PPP2R3A: variants seen among roughly 807,000 people sequenced by gnomAD.
PPP2R3A encodes serine/threonine-protein phosphatase 2A regulatory subunit B'' subunit alpha.
In PPP2R3A, 80 loss-of-function variants were observed where a neutral mutation model predicts 106.9. That is an observed-to-expected ratio of 0.75 (90% CI 0.62 to 0.90). The LOEUF is 0.90. Ranked by LOEUF, PPP2R3A falls within the 40% of genes least tolerant of loss-of-function variation. PPP2R3A has a pLI of 0.00. For synonymous variants in PPP2R3A, 483 were observed against 468.3 expected (o/e 1.03, Z -0.41); for missense variants, 1,386 against 1,350.4 (o/e 1.03, Z -0.41).
chr3:136,109,291 A>G lies in PPP2R3A; in HGVS notation c.3329+2969A>G, dbSNP rs538091363. ...AACTATTCTAATTAAATCAGAAAAC[A>G]TGTACACACAAAAGAAAAACACAGA... is the stretch of plus-strand genomic sequence containing the variant. On this transcript the variant is annotated intron_variant, in intron 13 of 13. Transcript: ENST00000264977. 2.0e-5 allele frequency among the ~76,000 whole-genome samples: 3 copies of G among 152,344 alleles called. No homozygotes were observed. The East Asian group carries it at 5.8e-4, about 29-fold the overall frequency.
intron 5 of PPP2R3A, among the ~76,000 whole-genome samples, chr3:136,060,448 A>T (rs1936037353): frequency 5.3e-5 from 8 of 152,216 alleles, no homozygotes; most frequent in Admixed American, 5.2e-4. Context: ...TGATTGGATT[A>T]TGGGGGTGGT....
At chr3:136,063,083 A>G (rs935812781) in intron 5 of PPP2R3A, among the ~76,000 whole-genome samples, 1 of 152,212 alleles carries the variant, frequency 6.6e-6, no homozygotes, top group Non-Finnish European at 1.5e-5. Flanking sequence ...ATATAGACCA[A>G]TGGAATAGAA....
intron 8 of PPP2R3A, 43 bp downstream of exon 8, chr3:136,082,464 G>A (rs1936807817): frequency 1.3e-6 from 2 of 1,582,214 alleles, no homozygotes; most frequent in African/African-American, 1.4e-5. Context: ...ATTTTAAAGA[G>A]TTATATAAAT....
At chr3:135,968,373 A>G (rs1355246668) in intron 1 of PPP2R3A, among the ~76,000 whole-genome samples, 4 of 152,234 alleles carry the variant, frequency 2.6e-5, no homozygotes, top group Non-Finnish European at 5.9e-5. Flanking sequence ...GAAAGTTTCC[A>G]TGGGGAAGTG....
chr3:136,040,218 CTT>C, intron 3 of PPP2R3A, among the ~76,000 whole-genome samples: 1 of 152,284 alleles, frequency 6.6e-6, no homozygotes, highest in Non-Finnish European at 1.5e-5. Context: ...TCAGTCATTT[CTT>C]TTTCTTTCTA....
chr3:135,974,225 C>T (rs1281132046), intron 1 of PPP2R3A, among the ~76,000 whole-genome samples: 1 of 152,102 alleles, frequency 6.6e-6, no homozygotes, highest in Non-Finnish European at 1.5e-5. Context: ...TTACATGGCT[C>T]ATTAATACTC....
chr3:136,055,767 T>C, intron 5 of PPP2R3A: 3 of 635,674 alleles, frequency 4.7e-6, no homozygotes, highest in Non-Finnish European at 8.5e-6. Flanking sequence ...TGATGAGAAT[T>C]TTTTAAAAAC....
At chr3:136,112,687 G>C (rs1279985199) in intron 13 of PPP2R3A, among the ~76,000 whole-genome samples, 1 of 152,148 alleles carries the variant, frequency 6.6e-6, no homozygotes, top group Non-Finnish European at 1.5e-5. Context: ...AATCAATATT[G>C]TTAAAATGAC....
At chr3:136,064,382 C>T (rs553617568) in intron 5 of PPP2R3A, among the ~76,000 whole-genome samples, 5 of 151,658 alleles carry the variant, frequency 3.3e-5, no homozygotes, top group South Asian at 2.1e-4. Flanking sequence ...CTAACCTGCA[C>T]GTTGCGCACA....
rs1194081629 is a variant in PPP2R3A, at chr3:136,001,593, C to T, written c.95C>T (p.Thr32Ile). 2 of 1,614,048 alleles carry T rather than the reference C, an allele frequency of 1.2e-6. No individual in the cohort carries two copies. The highest frequency in any genetic ancestry group is 8.5e-7 in the Non-Finnish European group (1 of 1,180,028). Reference sequence around the variant, plus strand: ...TTTGAACAAGCTATACATTATTGCACTGGAACCTGCCACACCTTCACACAT... The same window carrying T: ...TTTGAACAAGCTATACATTATTGCATTGGAACCTGCCACACCTTCACACAT... ...RRFEQAIHYC[T>I]GTCHTFTHGI... The change falls in exon 2 of 14, where the codon ACT (threonine) becomes ATT (isoleucine). Residue 32 changes from threonine to isoleucine, a missense_variant. Coordinates refer to ENST00000264977, the MANE Select transcript of PPP2R3A (RefSeq NM_002718.5).
At chr3:136,097,493 C>G (rs1251887205) in intron 10 of PPP2R3A, among the ~76,000 whole-genome samples, 2 of 152,182 alleles carry the variant, frequency 1.3e-5, no homozygotes, top group African/African-American at 4.8e-5. Flanking sequence ...TCTATCTTTG[C>G]ATTCTAGCTT....
chr3:136,032,208 G>A (rs1934916558), intron 3 of PPP2R3A, among the ~76,000 whole-genome samples: 1 of 152,052 alleles, frequency 6.6e-6, no homozygotes, highest in Non-Finnish European at 1.5e-5. Flanking sequence ...GTGGTTTGTG[G>A]TTTTACTTGT....
At chr3:136,026,782 A>T in intron 2 of PPP2R3A, 50 bp from the exon 3 acceptor site, 1 of 1,502,554 alleles carries the variant, frequency 6.7e-7, no homozygotes. Flanking sequence ...TTTTCAGTAA[A>T]TGAATACTGT....
intron 13 of PPP2R3A, among the ~76,000 whole-genome samples, chr3:136,126,681 C>T (rs1183006270): frequency 6.6e-6 from 1 of 152,194 alleles, no homozygotes; most frequent in South Asian, 2.1e-4. Context: ...GGACAGACTG[C>T]CTCCTCAAGT....
At chr3:136,042,872 A>G (rs557882884) in intron 4 of PPP2R3A, among the ~76,000 whole-genome samples, 1 of 152,292 alleles carries the variant, frequency 6.6e-6, no homozygotes, top group East Asian at 1.9e-4. Context: ...GGGTGCTTGA[A>G]GGGAGCCCCA....
intron 1 of PPP2R3A, among the ~76,000 whole-genome samples, chr3:135,990,285 T>C (rs1422450992): frequency 2.6e-5 from 4 of 152,114 alleles, no homozygotes; most frequent in Non-Finnish European, 5.9e-5. Flanking sequence ...CACTAGGCGC[T>C]GAAGACCTTC....
rs529261323 is a variant in PPP2R3A, at chr3:136,140,643, G to A, written c.3330-4400G>A. On this transcript the variant is annotated intron_variant, in intron 13 of 13. Transcript: ENST00000264977. ...CATGCCTGTAATCGCAGCTACTTGG[G>A]AGGCTGAGGCAGGAGAATCGCTTGA... Among the ~76,000 whole-genome samples, 16 of 151,878 alleles carry A rather than the reference G, an allele frequency of 1.1e-4. No homozygotes were observed. The South Asian group carries it at 3.1e-3, about 30-fold the overall frequency.
At chr3:136,136,059 AAAAAAAAAAAAAAATTATAT>A (rs1178866394) in intron 13 of PPP2R3A, among the ~76,000 whole-genome samples, 1 of 46,860 alleles carries the variant, frequency 2.1e-5, no homozygotes, top group Non-Finnish European at 5.8e-5. Flanking sequence ...AAAAAAAAAA[AAAAAAAAAAAAAAATTATAT>A]ATATATATAT....
Position 136,001,471 on chromosome 3 carries a change from A to C in PPP2R3A, c.-28A>C, listed in dbSNP as rs766021403. 1 of 1,582,456 alleles carries C rather than the reference A, an allele frequency of 6.3e-7. No homozygotes were observed. Among genetic ancestry groups the C allele is most frequent in the Non-Finnish European group, 8.6e-7 (1 of 1,159,520 alleles). On this transcript the variant is annotated 5_prime_UTR_variant, in exon 2 of 14. Coordinates refer to ENST00000264977, the MANE Select transcript of PPP2R3A (RefSeq NM_002718.5). ...ATGAAACAAGTTCTAGAAAGTTCCA[A>C]GTCCCACCAGTAAGTGGATTTGATA...
Sources: allele counts gnomAD v4.1 joint callset (sites outside exome capture counted in the v4.1 genomes callset), GRCh38; gene constraint gnomAD v4.1.1; transcripts MANE v1.5; gene names NCBI Gene and HGNC (gene_info 2026-07-23, HGNC 2026-07-21).